The following OSMR variants were observed in gnomAD, a reference collection of about 807,000 sequenced individuals.
The protein encoded by OSMR is oncostatin-M-specific receptor subunit beta.
OSMR carries 81 observed loss-of-function variants against 99.9 expected under a neutral mutation model. That is an observed-to-expected ratio of 0.81 (90% CI 0.68 to 0.97). The LOEUF (loss-of-function observed/expected upper bound fraction) is 0.97. Ranked by LOEUF, OSMR falls within the 50% of genes least tolerant of loss-of-function variation. OSMR has a pLI of 0.00. For synonymous variants in OSMR, 406 were observed against 410.4 expected, an observed-to-expected ratio of 0.99 and a Z score of 0.13; for missense variants, 1,099 against 1,153.4, an observed-to-expected ratio of 0.95 and a Z score of 0.68.
At chr5:38,893,425 C>T (rs556236663) in intron 7 of OSMR, among the ~76,000 whole-genome samples, 2 of 152,118 alleles carry the variant, frequency 1.3e-5, no homozygotes, top group African/African-American at 4.8e-5. Context: ...TGAAAATCAA[C>T]ATGAAGAAAC....
chr5:38,897,064 G>A (rs548757269), intron 7 of OSMR, among the ~76,000 whole-genome samples: 24 of 152,164 alleles, frequency 1.6e-4, no homozygotes, highest in Non-Finnish European at 2.9e-4. Flanking sequence ...GTATTTTGTT[G>A]AGGATTTTTG....
At position 38,925,346 on chromosome 5, in the gene OSMR, G is replaced by T. The variant is rs545655158; in HGVS notation, c.2187G>T (p.Thr729=). 3 of 1,613,908 alleles carry T rather than the reference G, an allele frequency of 1.9e-6. No homozygotes were observed. Among genetic ancestry groups the T allele is most frequent in the African/African-American group, 2.7e-5 (2 of 74,878 alleles). ...SAGEGPSATF[T]KVTTPDEHSS... ...GTGAAGGCCCCAGTGCTACGTTCAC[G>T]AAGGTCACGACTCCGGATGAACACT... The change falls in exon 15 of 18, where the codon ACG becomes ACT. Residue 729 remains threonine, a synonymous_variant. Transcript: ENST00000274276.
chr5:38,871,825 G>A (rs1465353903), intron 2 of OSMR, among the ~76,000 whole-genome samples: 1 of 152,128 alleles, frequency 6.6e-6, no homozygotes, highest in African/African-American at 2.4e-5. Flanking sequence ...GATATTAAAT[G>A]TTCTTCTAGA....
chr5:38,884,039 A>G lies in OSMR; in HGVS notation c.631A>G (p.Thr211Ala), dbSNP rs534280043. 1.2e-6 allele frequency: 2 copies of G among 1,613,976 alleles called. No homozygotes were observed. Among genetic ancestry groups the G allele is most frequent in the East Asian group, 2.2e-5 (1 of 44,872 alleles). Residue 211 changes from threonine (T) to alanine (A), a missense_variant, in exon 5 of 18, where the codon ACA becomes GCA. Transcript: ENST00000274276. Reference protein sequence around the residue: ...NSVPFIRNKGTNIYCEASQGN... With the variant: ...NSVPFIRNKGANIYCEASQGN... ...TGTGCCTTTCATTAGGAATAAAGGG[A>G]CAAATATCTATTGTGAGGCAAGTCA...
At position 38,921,658 on chromosome 5, in the gene OSMR, C is replaced by T. The variant is rs1319740105; in HGVS notation, c.1629C>T (p.Phe543=). Residue 543 remains phenylalanine (F), a synonymous_variant, in exon 12 of 18, where the codon TTC becomes TTT. Coordinates refer to ENST00000274276, the MANE Select transcript of OSMR (RefSeq NM_003999.3). ...GAATTGCAGGCACAGAGGGTGGATT[C>T]TCTCTGTCTTGGAAACCCCAACCTG... ...EERIAGTEGG[F]SLSWKPQPGD... The T allele has an allele frequency of 1.9e-6, 3 of 1,614,018 alleles. No individual in the cohort carries two copies. The highest frequency in any genetic ancestry group is 2.5e-6 in the Non-Finnish European group (3 of 1,180,004).
chr5:38,919,021 C>T lies in OSMR; in HGVS notation c.1544C>T (p.Ser515Phe), dbSNP rs1180207940. The T allele has an allele frequency of 3.7e-6, 6 of 1,613,926 alleles. No homozygotes were observed. The highest frequency in any genetic ancestry group is 5.1e-6 in the Non-Finnish European group (6 of 1,179,926). Residue 515 changes from serine to phenylalanine, a missense_variant, in exon 11 of 18, where the codon TCT becomes TTT. Transcript: ENST00000274276. ...CVIANNSVGA[S>F]PASVIVISAD... The stretch of plus-strand genomic sequence containing the variant: ...ATAGCCAACAACAGTGTGGGTGCTT[C>T]TCCTGCTTCTGTAATAGTCATCTCT...
At chr5:38,862,106 C>CG (rs1477358310) in intron 1 of OSMR, among the ~76,000 whole-genome samples, 1 of 119,694 alleles carries the variant, frequency 8.4e-6, no homozygotes, top group African/African-American at 3.2e-5. Flanking sequence ...GGGCTGACCC[C>CG]CCACCTCCCT....
At chr5:38,944,939 C>T in intron 2 of OSMR, 1 of 1,613,946 alleles carries the variant, frequency 6.2e-7, no homozygotes, top group Non-Finnish European at 8.5e-7. Context: ...GCTTTTGGTG[C>T]TGCTAGCTGA....
intron 1 of OSMR, among the ~76,000 whole-genome samples, chr5:38,855,286 T>C (rs771195379): frequency 1.3e-5 from 2 of 152,198 alleles, no homozygotes; most frequent in Admixed American, 6.5e-5. Context: ...TCTAGTCTTA[T>C]GGGTTTAAGT....
In OSMR at chr5:38,869,070, C is replaced by G; in HGVS notation, c.26C>G (p.Thr9Arg). Reference sequence around the variant, plus strand: ...ATGGCTCTATTTGCAGTCTTTCAGACAACATTCTTCTTAACATTGCTGTCC... The same window carrying G: ...ATGGCTCTATTTGCAGTCTTTCAGAGAACATTCTTCTTAACATTGCTGTCC... The part of the protein sequence containing the change: MALFAVFQ[T>R]TFFLTLLSLR... The change falls in exon 2 of 18, where the codon ACA becomes AGA. Residue 9 changes from threonine (T) to arginine (R), a missense_variant. Transcript: ENST00000274276. The G allele has an allele frequency of 6.2e-7, 1 of 1,613,810 alleles. No homozygotes were observed. Among genetic ancestry groups the G allele is most frequent in the East Asian group, 2.2e-5 (1 of 44,868 alleles).
At chr5:38,942,607 A>G (rs1264869166) in intron 1 of OSMR, among the ~76,000 whole-genome samples, 1 of 149,784 alleles carries the variant, frequency 6.7e-6, no homozygotes, top group African/African-American at 2.5e-5. Flanking sequence ...GATGACACCA[A>G]CCTCGGCTAA....
intron 1 of OSMR, among the ~76,000 whole-genome samples, chr5:38,942,552 A>T (rs1747688922): frequency 6.7e-6 from 1 of 148,578 alleles, no homozygotes; most frequent in African/African-American, 2.5e-5. Context: ...CTGGGTTCAT[A>T]TGATCCTCCC....
chr5:38,901,394 AATGTGCCAGTTTCG>A (rs1193650541), intron 7 of OSMR, among the ~76,000 whole-genome samples: 1 of 152,122 alleles, frequency 6.6e-6, no homozygotes, highest in Non-Finnish European at 1.5e-5. Flanking sequence ...CATGATCTTA[AATGTGCCAGTTTCG>A]ATGTGCCAGT....
At chr5:38,932,397 G>C in intron 16 of OSMR, 66 bp from the exon 17 acceptor site, 3 of 1,134,882 alleles carry the variant, frequency 2.6e-6, no homozygotes, top group Non-Finnish European at 4.0e-6. Flanking sequence ...TCTGACTCCA[G>C]AGTTCTTGCT....
At position 38,921,686 on chromosome 5, in the gene OSMR, G is replaced by A. The variant is rs2278329; in HGVS notation, c.1657G>A (p.Asp553Asn). The change falls in exon 12 of 18, where the codon GAT (aspartate) becomes AAT (asparagine). Residue 553 changes from aspartate to asparagine, a missense_variant. Asp to Asn is a conservative substitution (Grantham distance 23). Transcript: ENST00000274276. ...FSLSWKPQPG[D>N]VIGYVVDWCD... ...TCTGTCTTGGAAACCCCAACCTGGAGATGTTATAGGCTATGTTGTGGACTG... is the reference window on the plus strand; with the variant it reads ...TCTGTCTTGGAAACCCCAACCTGGAAATGTTATAGGCTATGTTGTGGACTG... 24,359 of 1,614,124 alleles carry A rather than the reference G, an allele frequency of 0.015. 2,723 individuals are homozygous for A. In the East Asian group the frequency reaches 0.33, roughly 22 times the overall value.
At chr5:38,906,628 T>A (rs56319810) in intron 9 of OSMR, among the ~76,000 whole-genome samples, 52,850 of 152,038 alleles carry the variant, frequency 0.35, 9,613 homozygotes, top group African/African-American at 0.41. Context: ...GCTTCTCCAA[T>A]GACTTATTTA....
chr5:38,881,682 A>G lies in OSMR; in HGVS notation c.336A>G (p.Val112=). The G allele has an allele frequency of 6.2e-7, 1 of 1,614,234 alleles. No homozygotes were observed. Among genetic ancestry groups the G allele is most frequent in the Non-Finnish European group, 8.5e-7 (1 of 1,180,028 alleles). ...CTTTGGAATGTGCCACACACTTTGTAAGAATAAAGAGTTTGGTGGACGATG... is the reference window on the plus strand; with the variant it reads ...CTTTGGAATGTGCCACACACTTTGTGAGAATAAAGAGTTTGGTGGACGATG... ...ELPLECATHF[V]RIKSLVDDAK... Residue 112 remains valine, a synonymous_variant, in exon 4 of 18, where the codon GTA becomes GTG. Coordinates refer to ENST00000274276, the MANE Select transcript of OSMR (RefSeq NM_003999.3).
chr5:38,909,375 T>C (rs542405496), intron 9 of OSMR, among the ~76,000 whole-genome samples: 18 of 152,218 alleles, frequency 1.2e-4, no homozygotes, highest in African/African-American at 3.6e-4. Context: ...AGAACTCCTG[T>C]GAGGTACTAT....
downstream of OSMR, chr5:38,935,679 G>GTAAT (rs1746985890): frequency 6.6e-6 from 1 of 152,172 alleles, no homozygotes; most frequent in South Asian, 2.1e-4. Flanking sequence ...TGAAAATCTA[G>GTAAT]TAATTACTCA....
Sources: gnomAD v4.1 joint callset for allele counts (sites outside exome capture counted in the v4.1 genomes callset) on GRCh38, gnomAD v4.1.1 for gene constraint, MANE v1.5 for transcripts, NCBI Gene and HGNC (gene_info 2026-07-23, HGNC 2026-07-21) for gene names.